Variants in DCC observed in about 807,000 individuals in gnomAD.
DCC encodes the protein netrin receptor DCC.
DCC carries 58 observed loss-of-function variants against 172.5 expected under a neutral mutation model. The ratio of observed to expected loss-of-function variants is 0.34; its 90% CI spans 0.27 to 0.42. The LOEUF (loss-of-function observed/expected upper bound fraction) is 0.42, where lower values mean the gene tolerates loss of function less well. DCC is among the 10% of genes least tolerant of loss of function. DCC has a pLI of 1.00. For synonymous variants in DCC, 709 were observed against 644.5 expected (o/e 1.10, Z -1.52); for missense variants, 1,740 against 1,791.0 (o/e 0.97, Z 0.51).
intron 15 of DCC, among the ~76,000 whole-genome samples, chr18:53,360,569 A>G (rs1020736603): frequency 6.6e-6 from 1 of 152,174 alleles, no homozygotes; most frequent in African/African-American, 2.4e-5. Flanking sequence ...CAGTTCATAA[A>G]TAGCATGCTA....
chr18:53,477,485 G>A (rs1232452732), intron 25 of DCC, among the ~76,000 whole-genome samples: 1 of 152,138 alleles, frequency 6.6e-6, no homozygotes, highest in African/African-American at 2.4e-5. Flanking sequence ...ACTTACTGGG[G>A]TATCAAGCCT....
In DCC at chr18:53,339,722, T is replaced by C; in HGVS notation, c.2174T>C (p.Val725Ala). The change falls in exon 15 of 29, where the codon GTT becomes GCT. Residue 725 changes from valine to alanine, a missense_variant. Physicochemically the swap from Val to Ala is moderately conservative, Grantham distance 64 (BLOSUM62 0). Transcript: ENST00000442544. ...TCTTTTTGAATGCTAGAATCTCAAGTTCCTGATCAACCAAGCTCTCTTCAT... is the reference window on the plus strand; with the variant it reads ...TCTTTTTGAATGCTAGAATCTCAAGCTCCTGATCAACCAAGCTCTCTTCAT... ...TPENDLDESQ[V>A]PDQPSSLHVR... 1 of 1,613,848 alleles carries C rather than the reference T, an allele frequency of 6.2e-7. No individual in the cohort carries two copies. Among genetic ancestry groups the C allele is most frequent in the Non-Finnish European group, 8.5e-7 (1 of 1,179,822 alleles).
Position 53,499,494 on chromosome 18 carries a change from A to C in DCC, c.4095A>C (p.Pro1365=), listed in dbSNP as rs972126301. ...SAIEPKVPYT[P]LLSQPGPTLP... ...TAGAACCGAAAGTCCCTTACACACC[A>C]CTTTTGTCTCAGCCAGGTAAAGTAC... The change falls in exon 27 of 29, where the codon CCA becomes CCC. Residue 1365 remains proline, a synonymous_variant. Transcript: ENST00000442544. 1.2e-6 allele frequency: 2 copies of C among 1,613,818 alleles called. No homozygotes were observed. Among genetic ancestry groups the C allele is most frequent in the Non-Finnish European group, 1.7e-6 (2 of 1,179,806 alleles).
chr18:53,316,533 A>G (rs545894407), intron 13 of DCC, among the ~76,000 whole-genome samples: 34 of 152,166 alleles, frequency 2.2e-4, no homozygotes, highest in African/African-American at 7.9e-4. Context: ...CATTGAATCT[A>G]TAAATTACTT....
At chr18:53,389,879 G>GA (rs1047889204) in intron 16 of DCC, among the ~76,000 whole-genome samples, 10 of 152,124 alleles carry the variant, frequency 6.6e-5, no homozygotes, top group African/African-American at 1.9e-4. Context: ...TGGCACCTGT[G>GA]AAAAAACTAT....
chr18:52,427,484 T>A (rs1385072681), intron 1 of DCC, among the ~76,000 whole-genome samples: 1 of 152,040 alleles, frequency 6.6e-6, no homozygotes, highest in African/African-American at 2.4e-5. Context: ...CAACAAGATG[T>A]CAGGTTTGCA....
At chr18:52,922,787 G>C (rs1033044483) in intron 3 of DCC, among the ~76,000 whole-genome samples, 3 of 152,100 alleles carry the variant, frequency 2.0e-5, no homozygotes, top group African/African-American at 4.8e-5. Context: ...ATTATCAGTA[G>C]AGCTTATATA....
chr18:52,948,687 T>G (rs1252483514), intron 5 of DCC, among the ~76,000 whole-genome samples: 4 of 152,326 alleles, frequency 2.6e-5, no homozygotes, highest in African/African-American at 9.6e-5. Context: ...CATTCAGCCT[T>G]GAGACTATGT....
intron 1 of DCC, among the ~76,000 whole-genome samples, chr18:52,423,200 C>T (rs16954956): frequency 0.051 from 7,727 of 152,158 alleles, 262 homozygotes; most frequent in Middle Eastern, 0.092. Flanking sequence ...GCTAACAATC[C>T]TCATTGAAAA....
At chr18:53,306,446 A>T (rs1169067034) in intron 13 of DCC, among the ~76,000 whole-genome samples, 1 of 152,218 alleles carries the variant, frequency 6.6e-6, no homozygotes, top group African/African-American at 2.4e-5. Flanking sequence ...AAGAAGAGAA[A>T]ACAGATAATG....
At chr18:53,300,958 A>ATTCTTTTTCTTTCTTTCTTTCTTTCT (rs1436953257) in intron 12 of DCC, among the ~76,000 whole-genome samples, 4 of 81,750 alleles carry the variant, frequency 4.9e-5, no homozygotes, top group East Asian at 6.0e-4. Context: ...TTGGTTCTGG[A>ATTCTTTTTCTTTCTTTCTTTCTTTCT]TTCATTCTTT....
chr18:52,978,323 A>C (rs2145599480), intron 5 of DCC, among the ~76,000 whole-genome samples: 1 of 152,298 alleles, frequency 6.6e-6, no homozygotes, highest in Admixed American at 6.5e-5. Flanking sequence ...GTAAAGAAAA[A>C]AAATAAAAAA....
chr18:52,969,776 C>A (rs1364759896), intron 5 of DCC, among the ~76,000 whole-genome samples: 4 of 152,048 alleles, frequency 2.6e-5, no homozygotes, highest in Non-Finnish European at 5.9e-5. Flanking sequence ...GAATTATATT[C>A]TCCACAATCA....
intron 1 of DCC, among the ~76,000 whole-genome samples, chr18:52,490,484 G>A (rs1170166033): frequency 6.6e-6 from 1 of 152,078 alleles, no homozygotes; most frequent in Non-Finnish European, 1.5e-5. Context: ...TCATGACGGG[G>A]AAACTGAGAC....
At chr18:52,761,574 A>T (rs2037160268) in intron 2 of DCC, among the ~76,000 whole-genome samples, 1 of 152,182 alleles carries the variant, frequency 6.6e-6, no homozygotes, top group South Asian at 2.1e-4. Context: ...ATAGAAATTC[A>T]ATAATCAGAG....
chr18:52,572,458 G>A (rs2033321587), intron 1 of DCC, among the ~76,000 whole-genome samples: 1 of 152,162 alleles, frequency 6.6e-6, no homozygotes, highest in African/African-American at 2.4e-5. Context: ...GATGACAGCT[G>A]AAGCATGTTT....
chr18:52,831,258 T>C (rs2038608676), intron 2 of DCC, among the ~76,000 whole-genome samples: 1 of 152,118 alleles, frequency 6.6e-6, no homozygotes, highest in Admixed American at 6.6e-5. Context: ...TAGTAGGACA[T>C]GAGCTATGAT....
chr18:52,984,648 A>C (rs1442206868), intron 5 of DCC, among the ~76,000 whole-genome samples: 1 of 152,118 alleles, frequency 6.6e-6, no homozygotes, highest in Non-Finnish European at 1.5e-5. Flanking sequence ...ACATTCATAC[A>C]TGCTCTTTGC....
chr18:53,303,261 A>T (rs1306813021), intron 12 of DCC, among the ~76,000 whole-genome samples: 1 of 152,160 alleles, frequency 6.6e-6, no homozygotes, highest in African/African-American at 2.4e-5. Flanking sequence ...TATATTTGTA[A>T]TAAGTTTCTA....
Sources: allele counts gnomAD v4.1 joint callset (sites outside exome capture counted in the v4.1 genomes callset), GRCh38; gene constraint gnomAD v4.1.1; transcripts MANE v1.5; gene names NCBI Gene and HGNC (gene_info 2026-07-23, HGNC 2026-07-21).